CASP6: variants seen among roughly 807,000 people sequenced by gnomAD.
CASP6 encodes the protein caspase-6.
CASP6 carries 20 observed loss-of-function variants against 31.8 expected under a neutral mutation model. That is an observed-to-expected ratio of 0.63 (90% CI 0.44 to 0.91). CASP6 has a LOEUF of 0.91. CASP6 is among the 40% of genes least tolerant of loss of function. The probability of loss-of-function intolerance (pLI) is 0.00; values close to 1 mark genes in which losing one functional copy is unlikely to be tolerated. For synonymous variants in CASP6, 130 were observed against 127.8 expected (o/e 1.02, Z -0.12); for missense variants, 328 against 361.1 (o/e 0.91, Z 0.74).
the CASP6 span, among the ~76,000 whole-genome samples, chr4:109,679,901 A>G: frequency 6.6e-6 from 1 of 152,078 alleles, no homozygotes; most frequent in Non-Finnish European, 1.5e-5. Flanking sequence ...TTCTGGGTTC[A>G]AGCAATTCTC....
chr4:109,694,026 G>T (rs556264870), intron 5 of CASP6, among the ~76,000 whole-genome samples: 3 of 152,094 alleles, frequency 2.0e-5, no homozygotes, highest in Non-Finnish European at 4.4e-5. Context: ...GAGCCATCAC[G>T]CCTGTAAAAA....
chr4:109,667,657 A>T, the CASP6 span, among the ~76,000 whole-genome samples: 3 of 149,872 alleles, frequency 2.0e-5, no homozygotes, highest in Non-Finnish European at 3.0e-5. Flanking sequence ...CTACATAATA[A>T]ATATTCTACT....
chr4:109,701,481 T>G (rs1730419242), intron 1 of CASP6, among the ~76,000 whole-genome samples: 1 of 151,986 alleles, frequency 6.6e-6, no homozygotes, highest in African/African-American at 2.4e-5. Flanking sequence ...CAGGCTGCAG[T>G]GCAGTGGCGC....
the CASP6 span, among the ~76,000 whole-genome samples, chr4:109,678,614 C>T: frequency 7.0e-6 from 1 of 143,574 alleles, no homozygotes; most frequent in Non-Finnish European, 1.5e-5. Flanking sequence ...AGAGGCACTC[C>T]TCACCTCCCA....
upstream of CASP6, among the ~76,000 whole-genome samples, chr4:109,706,990 C>A (rs1297117221): frequency 6.6e-6 from 1 of 152,172 alleles, no homozygotes; most frequent in South Asian, 2.1e-4. Flanking sequence ...GCAACTACCA[C>A]CCTAATCAGT....
upstream of CASP6, among the ~76,000 whole-genome samples, chr4:109,704,155 A>G (rs1208643595): frequency 2.0e-5 from 3 of 152,182 alleles, no homozygotes; most frequent in Admixed American, 2.0e-4. Flanking sequence ...AATTAGGCCA[A>G]CTAATAATCC....
downstream of CASP6, chr4:109,684,910 T>TA (rs35776161): frequency 0.11 from 42,843 of 378,160 alleles, 2,792 homozygotes; most frequent in South Asian, 0.15. Flanking sequence ...CCCTCATTTA[T>TA]AAAAAAAACT....
At chr4:109,701,224 A>G (rs916428213) in intron 1 of CASP6, among the ~76,000 whole-genome samples, 1 of 152,042 alleles carries the variant, frequency 6.6e-6, no homozygotes, top group Admixed American at 6.6e-5. Context: ...AGCCTCCTGG[A>G]AGTGCTGGGA....
At chr4:109,690,095 G>C (rs2126155555) in intron 6 of CASP6, among the ~76,000 whole-genome samples, 1 of 151,506 alleles carries the variant, frequency 6.6e-6, no homozygotes, top group Admixed American at 6.6e-5. Flanking sequence ...TGAGGTAGGA[G>C]AATCACTTGA....
chr4:109,708,261 G>T (rs148590271), upstream of CASP6, among the ~76,000 whole-genome samples: 283 of 152,300 alleles, frequency 1.9e-3, no homozygotes, highest in African/African-American at 6.5e-3. Flanking sequence ...CACTGTCTTA[G>T]TAACTTATCC....
intron 4 of CASP6, 96 bp downstream of exon 4, chr4:109,696,314 T>C: frequency 1.6e-5 from 14 of 849,334 alleles, no homozygotes; most frequent in Non-Finnish European, 2.6e-5. Context: ...ACTTTTTTTG[T>C]CACACAAGTA....
intron 1 of CASP6, among the ~76,000 whole-genome samples, chr4:109,698,575 A>G (rs1180256251): frequency 6.6e-6 from 1 of 152,260 alleles, no homozygotes; most frequent in Non-Finnish European, 1.5e-5. Context: ...TAACAATCTT[A>G]TAAACAGAAA....
At chr4:109,706,414 A>G (rs1395733714), upstream of CASP6, among the ~76,000 whole-genome samples, 1 of 151,844 alleles carries the variant, frequency 6.6e-6, no homozygotes, top group East Asian at 1.9e-4. Context: ...AGATGAGGAG[A>G]TGCTTTTTAC....
Position 109,698,318 on chromosome 4 carries a change from G to A in CASP6, c.65C>T (p.Thr22Ile). ...PAGGEENMTE[T>I]DAFYKREMFD... Reference sequence around the variant, plus strand: ...GCTTTACCTTTTATAGAAGGCATCTGTTTCTGTCATGTTTTCTTCCCCACC... The same window carrying A: ...GCTTTACCTTTTATAGAAGGCATCTATTTCTGTCATGTTTTCTTCCCCACC... Residue 22 changes from threonine to isoleucine, a missense_variant, in exon 2 of 7, where the codon ACA becomes ATA. Coordinates refer to ENST00000265164, the MANE Select transcript of CASP6 (RefSeq NM_001226.4). 1 of 1,610,920 alleles carries A rather than the reference G, an allele frequency of 6.2e-7. No individual in the cohort carries two copies. The highest frequency in any genetic ancestry group is 8.5e-7 in the Non-Finnish European group (1 of 1,179,096).
chr4:109,704,459 G>A (rs1000796070), upstream of CASP6, among the ~76,000 whole-genome samples: 3 of 152,204 alleles, frequency 2.0e-5, no homozygotes, highest in Admixed American at 6.5e-5. Flanking sequence ...GATAAAAACA[G>A]CCACAACATT....
At chr4:109,709,071 C>G in the CASP6 span, among the ~76,000 whole-genome samples, 1 of 152,186 alleles carries the variant, frequency 6.6e-6, no homozygotes, top group Non-Finnish European at 1.5e-5. Context: ...GTTTTTGAGA[C>G]AGTAAATTGC....
chr4:109,668,222 T>C, the CASP6 span, among the ~76,000 whole-genome samples: 1 of 152,266 alleles, frequency 6.6e-6, no homozygotes, highest in Non-Finnish European at 1.5e-5. Context: ...CCATTTCTAA[T>C]AGAGGAATGT....
the CASP6 span, among the ~76,000 whole-genome samples, chr4:109,667,305 G>A: frequency 1.3e-5 from 2 of 152,068 alleles, no homozygotes; most frequent in African/African-American, 2.4e-5. Context: ...TTTTGTGTGA[G>A]TTTTGATAGA....
At chr4:109,677,873 G>A in the CASP6 span, among the ~76,000 whole-genome samples, 1 of 138,484 alleles carries the variant, frequency 7.2e-6, no homozygotes, top group Non-Finnish European at 1.5e-5. Flanking sequence ...AGAGGGGGAT[G>A]TGGCAGGGTC....
Sources: allele counts gnomAD v4.1 joint callset (sites outside exome capture counted in the v4.1 genomes callset), GRCh38; gene constraint gnomAD v4.1.1; transcripts MANE v1.5; gene names NCBI Gene and HGNC (gene_info 2026-07-23, HGNC 2026-07-21).